COL21A1: variants seen among roughly 807,000 people sequenced by gnomAD.
COL21A1 encodes collagen alpha-1(XXI) chain.
In COL21A1, 149 loss-of-function variants were observed where a neutral mutation model predicts 137.9. The observed-to-expected ratio is 1.08, with a 90% CI of 0.95 to 1.24. The LOEUF is 1.24. Among genes scored for constraint, COL21A1 ranks in the 50% most tolerant of loss-of-function variants. COL21A1 has a pLI of 0.00. For missense variants in COL21A1, 1,167 were observed against 1,158.4 expected (o/e 1.01, Z -0.11); for synonymous variants, 456 against 391.5 (o/e 1.16, Z -1.95).
At chr6:56,382,469 T>A (rs1393635299) in intron 1 of COL21A1, among the ~76,000 whole-genome samples, 1 of 152,194 alleles carries the variant, frequency 6.6e-6, no homozygotes, top group Non-Finnish European at 1.5e-5. Flanking sequence ...AACTAAATTG[T>A]GTCCCCCTTA....
At chr6:56,393,799 AC>A (rs1260393735) in intron 1 of COL21A1, among the ~76,000 whole-genome samples, 2 of 151,774 alleles carry the variant, frequency 1.3e-5, no homozygotes, top group African/African-American at 4.8e-5. Context: ...CAGGACTCAC[AC>A]TCCTACTGGC....
chr6:56,162,878 G>A (rs1386685158), intron 9 of COL21A1, among the ~76,000 whole-genome samples: 1 of 152,118 alleles, frequency 6.6e-6, no homozygotes, highest in Non-Finnish European at 1.5e-5. Context: ...TAAAATAATA[G>A]ACGGTTACTT....
chr6:56,174,159 T>C (rs1390946961), intron 3 of COL21A1, among the ~76,000 whole-genome samples: 1 of 151,846 alleles, frequency 6.6e-6, no homozygotes, highest in Non-Finnish European at 1.5e-5. Flanking sequence ...ATCCAAAATT[T>C]ATGAGATGCA....
chr6:56,305,045 G>C (rs931585436), intron 1 of COL21A1, among the ~76,000 whole-genome samples: 1 of 152,200 alleles, frequency 6.6e-6, no homozygotes, highest in Non-Finnish European at 1.5e-5. Flanking sequence ...GAGTGGTTTT[G>C]AGTGAGTTTC....
intron 9 of COL21A1, among the ~76,000 whole-genome samples, chr6:56,160,225 T>C (rs571749067): frequency 6.6e-6 from 1 of 152,368 alleles, no homozygotes; most frequent in Non-Finnish European, 1.5e-5. Flanking sequence ...TCAACCTTTA[T>C]TGACTGTTAT....
chr6:56,210,941 A>G (rs956360852), intron 1 of COL21A1, among the ~76,000 whole-genome samples: 9 of 151,962 alleles, frequency 5.9e-5, no homozygotes, highest in Admixed American at 5.3e-4. Context: ...TTTTGAGTCA[A>G]TCAGAGAAAA....
chr6:56,171,738 G>A (rs891972211), intron 3 of COL21A1, among the ~76,000 whole-genome samples: 7 of 151,628 alleles, frequency 4.6e-5, no homozygotes, highest in African/African-American at 7.3e-5. Flanking sequence ...TTCTTCAGAC[G>A]GACATATTAT....
chr6:56,244,267 C>A (rs1162251487), intron 1 of COL21A1, among the ~76,000 whole-genome samples: 1 of 152,172 alleles, frequency 6.6e-6, no homozygotes, highest in Non-Finnish European at 1.5e-5. Flanking sequence ...ATTGATCATT[C>A]CTAGTTGGCC....
Position 56,158,266 on chromosome 6 carries a change from C to CTTTTTTTTTTTTTTTT in COL21A1, c.1372-1333_1372-1318dup, listed in dbSNP as rs67453245. The stretch of plus-strand genomic sequence containing the variant: ...CGTGGGTTTTTTCTTTTTTTTTTTT[C>CTTTTTTTTTTTTTTTT]TTTTTTTTTTTTTTTTTTTTTTCTG... On this transcript the variant is annotated intron_variant, in intron 9 of 29. Coordinates refer to ENST00000244728, the MANE Select transcript of COL21A1 (RefSeq NM_030820.4). Among the ~76,000 whole-genome samples the CTTTTTTTTTTTTTTTT allele has an allele frequency of 5.1e-3, 316 of 62,424 alleles. 1 individual carries two copies. The highest frequency in any genetic ancestry group is 7.1e-3 in the East Asian group (13 of 1,836). The allele number at this position is 62,424 out of a possible 152,430, so 41.0% of individuals were successfully genotyped here.
At chr6:56,113,382 T>G (rs1338201883) in intron 16 of COL21A1, among the ~76,000 whole-genome samples, 3 of 152,126 alleles carry the variant, frequency 2.0e-5, no homozygotes, top group Non-Finnish European at 2.9e-5. Context: ...CAGGATAGGG[T>G]ACTGGCCAGA....
At chr6:56,169,174 G>A (rs775645073) in intron 5 of COL21A1, among the ~76,000 whole-genome samples, 1 of 151,718 alleles carries the variant, frequency 6.6e-6, no homozygotes, top group African/African-American at 2.4e-5. Context: ...CATAATTTAG[G>A]CTCATGGAAC....
At position 56,103,867 on chromosome 6, in the gene COL21A1, C is replaced by T. The variant is rs116417527; in HGVS notation, c.1759-2342G>A. 1.3e-3 allele frequency among the ~76,000 whole-genome samples: 192 copies of T among 152,210 alleles called. 4 individuals are homozygous for T. Among genetic ancestry groups the T allele is most frequent in the African/African-American group, 4.3e-3 (180 of 41,534 alleles). On this transcript the variant is annotated intron_variant, in intron 16 of 29. Coordinates refer to ENST00000244728, the MANE Select transcript of COL21A1 (RefSeq NM_030820.4). ...CCTGATATGGTAGGTCTGGGGCAAC[C>T]CCTGGAATCTGCATTTCTAATAAGT...
At position 56,170,697 on chromosome 6, in the gene COL21A1, G is replaced by A. The variant is rs41271846; in HGVS notation, c.978C>T (p.Ser326=). ...VDKILLFTTT[S]VINGSQVVTF... ...TAACCACTTGTGAGCCATTAATTAC[G>A]CTGGTTGTTGTAAATAATAAGATTT... The change falls in exon 5 of 30, where the codon AGC becomes AGT. Residue 326 remains serine (S), a synonymous_variant. Transcript: ENST00000244728. 7.4e-3 allele frequency: 11,834 copies of A among 1,604,870 alleles called. 66 individuals carry two copies. The highest frequency in any genetic ancestry group is 9.0e-3 in the Non-Finnish European group (10,556 of 1,174,486).
chr6:56,274,602 C>T (rs1386777772), intron 1 of COL21A1, among the ~76,000 whole-genome samples: 1 of 151,964 alleles, frequency 6.6e-6, no homozygotes, highest in East Asian at 1.9e-4. Flanking sequence ...AAGAGAACAA[C>T]ATCATTTACA....
At chr6:56,137,825 T>C (rs1330851772) in intron 12 of COL21A1, among the ~76,000 whole-genome samples, 1 of 152,190 alleles carries the variant, frequency 6.6e-6, no homozygotes, top group Non-Finnish European at 1.5e-5. Flanking sequence ...ACTAAGATGT[T>C]AAATCCACTA....
At chr6:56,294,323 G>T (rs975210810) in intron 1 of COL21A1, among the ~76,000 whole-genome samples, 2 of 151,924 alleles carry the variant, frequency 1.3e-5, no homozygotes, top group Non-Finnish European at 2.9e-5. Context: ...CTTTCAAAGG[G>T]TCAAGAAATA....
At chr6:56,310,284 T>G (rs969644001) in intron 1 of COL21A1, among the ~76,000 whole-genome samples, 1 of 152,192 alleles carries the variant, frequency 6.6e-6, no homozygotes, top group Non-Finnish European at 1.5e-5. Flanking sequence ...ATCTTTTTGC[T>G]GCCACTAGAG....
intron 12 of COL21A1, among the ~76,000 whole-genome samples, chr6:56,138,439 CA>C (rs1163231809): frequency 6.6e-6 from 1 of 151,768 alleles, no homozygotes; most frequent in Non-Finnish European, 1.5e-5. Flanking sequence ...GGCACCCCAA[CA>C]TTTAGAGAAT....
At chr6:56,138,332 T>C (rs1774154357) in intron 12 of COL21A1, among the ~76,000 whole-genome samples, 1 of 149,662 alleles carries the variant, frequency 6.7e-6, no homozygotes, top group Non-Finnish European at 1.5e-5. Flanking sequence ...ATATATTTTA[T>C]ATATACATTT....
Sources: allele counts gnomAD v4.1 joint callset (sites outside exome capture counted in the v4.1 genomes callset), GRCh38; gene constraint gnomAD v4.1.1; transcripts MANE v1.5; gene names NCBI Gene and HGNC (gene_info 2026-07-23, HGNC 2026-07-21).